Variants in DIAPH2 observed in about 807,000 individuals in gnomAD.
DIAPH2 encodes the protein protein diaphanous homolog 2.
In DIAPH2, 35 loss-of-function variants were observed where a neutral mutation model predicts 92.7. That is an observed-to-expected ratio of 0.38 (90% CI 0.29 to 0.50). DIAPH2 has a LOEUF of 0.50. DIAPH2 is among the 20% of genes least tolerant of loss of function. The probability of loss-of-function intolerance (pLI) is 0.94; values close to 1 mark genes in which losing one functional copy is unlikely to be tolerated. For missense variants in DIAPH2, 701 were observed against 819.5 expected (o/e 0.86, Z 1.77); for synonymous variants, 301 against 280.4 (o/e 1.07, Z -0.73).
chrX:97,080,557 G>A (rs1282872524), intron 19 of DIAPH2, among the ~76,000 whole-genome samples: 1 of 98,158 alleles, frequency 1.0e-5, no homozygotes, highest in Non-Finnish European at 2.0e-5. Flanking sequence ...TGTACTCAAT[G>A]TGTGGTATTT....
chrX:96,819,463 G>A (rs1303178236), intron 4 of DIAPH2, among the ~76,000 whole-genome samples: 1 of 111,980 alleles, frequency 8.9e-6, no homozygotes, highest in Non-Finnish European at 1.9e-5. Context: ...GAACATTAGT[G>A]AATTACAGTC....
intron 19 of DIAPH2, among the ~76,000 whole-genome samples, chrX:97,093,183 G>A (rs1414626395): frequency 1.5e-5 from 1 of 65,655 alleles, no homozygotes; most frequent in East Asian, 5.6e-4. Flanking sequence ...GTGAGACTGT[G>A]AAAAAAAGAA....
chrX:97,112,765 C>CTTTCTTTTTT (rs2066989802), intron 20 of DIAPH2, among the ~76,000 whole-genome samples: 1 of 37,238 alleles, frequency 2.7e-5, no homozygotes, highest in African/African-American at 1.2e-4. Context: ...CCCTTTCTTT[C>CTTTCTTTTTT]TTTTTTTTTT....
intron 22 of DIAPH2, among the ~76,000 whole-genome samples, chrX:97,194,667 G>T (rs936355819): frequency 1.8e-5 from 2 of 111,384 alleles, no homozygotes; most frequent in Admixed American, 9.6e-5. Flanking sequence ...TGATGAGAGG[G>T]GAGGGGAGAA....
chrX:97,447,245 T>A lies in DIAPH2; in HGVS notation c.3241+17500T>A, dbSNP rs763056583. Among the ~76,000 whole-genome samples, 51 of 111,197 alleles carry A rather than the reference T, an allele frequency of 4.6e-4. No individual in the cohort carries two copies. In the South Asian group the frequency reaches 6.9e-3, roughly 15 times the overall value. ...TCTTTCGCTGAGGAATTAAATGTAA[T>A]GTTTCTAGAAACATTAATAGCTTGT... On this transcript the variant is annotated intron_variant, in intron 26 of 26. Coordinates refer to ENST00000324765, the MANE Select transcript of DIAPH2 (RefSeq NM_006729.5).
chrX:97,549,000 G>A (rs1245984873), intron 26 of DIAPH2, among the ~76,000 whole-genome samples: 3 of 112,047 alleles, frequency 2.7e-5, no homozygotes, highest in Admixed American at 9.5e-5. Context: ...ATAAAATGAC[G>A]GGTAATTTTC....
At chrX:97,006,810 T>C (rs12852465) in intron 17 of DIAPH2, among the ~76,000 whole-genome samples, 8 of 111,470 alleles carry the variant, frequency 7.2e-5, no homozygotes, top group Non-Finnish European at 1.5e-4. Context: ...TACCATTTTG[T>C]TATATTTTTC....
chrX:96,969,600 T>C (rs2065915144), intron 17 of DIAPH2, among the ~76,000 whole-genome samples: 1 of 111,502 alleles, frequency 9.0e-6, no homozygotes. Context: ...TTTGAAACTT[T>C]ACTGAAATTT....
intron 23 of DIAPH2, among the ~76,000 whole-genome samples, chrX:97,318,482 C>CTTTTTTTTTTTTTTTTTT (rs745350367): frequency 4.3e-5 from 2 of 46,324 alleles, no homozygotes; most frequent in African/African-American, 9.1e-5. Context: ...TTTTTCTTTA[C>CTTTTTTTTTTTTTTTTTT]TTTTTTTTTT....
intron 26 of DIAPH2, among the ~76,000 whole-genome samples, chrX:97,452,096 C>G (rs1176835104): frequency 9.0e-6 from 1 of 110,517 alleles, no homozygotes; most frequent in Non-Finnish European, 1.9e-5. Context: ...CAATATTTTG[C>G]TTGGATAGAT....
chrX:96,871,469 CAAAA>C (rs34852539), intron 4 of DIAPH2, among the ~76,000 whole-genome samples: 1 of 28,816 alleles, frequency 3.5e-5, no homozygotes, highest in African/African-American at 1.4e-4. Flanking sequence ...GACTCCGTCT[CAAAA>C]AAAAAAAAAA....
intron 4 of DIAPH2, among the ~76,000 whole-genome samples, chrX:96,788,030 A>G (rs1192498133): frequency 9.1e-6 from 1 of 110,060 alleles, no homozygotes; most frequent in Non-Finnish European, 1.9e-5. Flanking sequence ...GTTTTAAAGG[A>G]TATTTTACAC....
At chrX:97,335,857 A>G (rs1006469947) in intron 23 of DIAPH2, among the ~76,000 whole-genome samples, 10 of 111,437 alleles carry the variant, frequency 9.0e-5, no homozygotes, top group African/African-American at 9.8e-5. Flanking sequence ...TGATCCTACC[A>G]CTTCTTTGTT....
At chrX:97,281,429 T>C (rs765912471) in intron 23 of DIAPH2, among the ~76,000 whole-genome samples, 5 of 110,854 alleles carry the variant, frequency 4.5e-5, no homozygotes, top group African/African-American at 1.3e-4. Context: ...TACCTAGAAA[T>C]GGTAGAATAT....
In DIAPH2 at chrX:96,751,647, G is replaced by GTTTTTTTTTTTTTTT. The variant is rs1332024432; in HGVS notation, c.343-6503_343-6502insTTTTTTTTTTTTTTT. On this transcript the variant is annotated intron_variant, in intron 3 of 26. Coordinates refer to ENST00000324765, the MANE Select transcript of DIAPH2 (RefSeq NM_006729.5). The stretch of plus-strand genomic sequence containing the variant: ...TATAAATGGTCAACTAGACTTCAGT[G>GTTTTTTTTTTTTTTT]TTTTGTTTTTTTTTTTTTTTTTTTG... 1.8e-4 allele frequency among the ~76,000 whole-genome samples: 15 copies of GTTTTTTTTTTTTTTT among 85,008 alleles called. 1 individual carries two copies. Among genetic ancestry groups the GTTTTTTTTTTTTTTT allele is most frequent in the East Asian group, 4.5e-4 (1 of 2,239 alleles). The allele number at this position is 85,008 out of a possible 115,157, so 73.8% of individuals were successfully genotyped here.
At chrX:97,422,267 C>A (rs1030616300) in intron 25 of DIAPH2, among the ~76,000 whole-genome samples, 2 of 110,683 alleles carry the variant, frequency 1.8e-5, no homozygotes, top group African/African-American at 6.6e-5. Context: ...ATTTTATTAT[C>A]TGTGAACCAG....
intron 17 of DIAPH2, among the ~76,000 whole-genome samples, chrX:96,981,331 C>T (rs1289819367): frequency 1.8e-5 from 2 of 111,610 alleles, no homozygotes; most frequent in African/African-American, 3.3e-5. Context: ...CTTTAGTGGG[C>T]TGACATATAT....
chrX:97,275,453 C>T (rs113636641), intron 23 of DIAPH2, among the ~76,000 whole-genome samples: 4 of 103,562 alleles, frequency 3.9e-5, no homozygotes, highest in African/African-American at 6.8e-5. Flanking sequence ...GGGCGGCTGC[C>T]GGGCGGAGAC....
At chrX:96,793,888 A>G (rs1233859032) in intron 4 of DIAPH2, among the ~76,000 whole-genome samples, 2 of 112,230 alleles carry the variant, frequency 1.8e-5, no homozygotes, top group Non-Finnish European at 3.8e-5. Context: ...TTCAGATTAG[A>G]GAAAAACTAT....
Sources: allele counts gnomAD v4.1 joint callset (sites outside exome capture counted in the v4.1 genomes callset), GRCh38; gene constraint gnomAD v4.1.1; transcripts MANE v1.5; gene names NCBI Gene and HGNC (gene_info 2026-07-23, HGNC 2026-07-21).